SLC37A3: variants seen among roughly 807,000 people sequenced by gnomAD.
SLC37A3 encodes the protein solute carrier family 37 member 3, also known as sugar phosphate exchanger 3.
In SLC37A3, 51 loss-of-function variants were observed where a neutral mutation model predicts 67.1. The observed-to-expected ratio is 0.76, with a 90% CI of 0.61 to 0.96. The LOEUF (loss-of-function observed/expected upper bound fraction) is 0.96, where lower values mean the gene tolerates loss of function less well. Ranked by LOEUF, SLC37A3 falls within the 40% of genes least tolerant of loss-of-function variation. The probability of loss-of-function intolerance (pLI) is 0.00; values close to 1 mark genes in which losing one functional copy is unlikely to be tolerated. For synonymous variants in SLC37A3, 214 were observed against 231.4 expected, an observed-to-expected ratio of 0.92 and a Z score of 0.68; for missense variants, 508 against 603.0, an observed-to-expected ratio of 0.84 and a Z score of 1.65.
chr7:140,373,068 C>T (rs1297639222), intron 3 of SLC37A3, among the ~76,000 whole-genome samples: 1 of 152,152 alleles, frequency 6.6e-6, no homozygotes, highest in Non-Finnish European at 1.5e-5. Context: ...TCTCCTGCCT[C>T]AGCCTCCTGA....
At chr7:140,350,682 T>C (rs1436204765) in intron 9 of SLC37A3, among the ~76,000 whole-genome samples, 1 of 152,078 alleles carries the variant, frequency 6.6e-6, no homozygotes, top group Non-Finnish European at 1.5e-5. Flanking sequence ...GAGAATCGCT[T>C]GAACCCGGGA....
chr7:140,346,895 C>A (rs921196921), intron 10 of SLC37A3, among the ~76,000 whole-genome samples: 1 of 151,656 alleles, frequency 6.6e-6, no homozygotes, highest in Admixed American at 6.6e-5. Flanking sequence ...CTGTATTGTG[C>A]CACTGCACTC....
intron 14 of SLC37A3, among the ~76,000 whole-genome samples, chr7:140,336,573 G>A (rs1364881847): frequency 6.6e-6 from 1 of 152,226 alleles, no homozygotes; most frequent in African/African-American, 2.4e-5. Flanking sequence ...ACATGACAGT[G>A]TTGATTACAG....
chr7:140,336,611 G>C (rs553285241), intron 14 of SLC37A3, among the ~76,000 whole-genome samples: 1 of 152,116 alleles, frequency 6.6e-6, no homozygotes, highest in Admixed American at 6.5e-5. Context: ...CTCAAGTGTT[G>C]CTTGGTATAC....
chr7:140,369,413 T>C (rs1330924750), intron 4 of SLC37A3, among the ~76,000 whole-genome samples, 177 bp downstream of exon 4: 2 of 152,206 alleles, frequency 1.3e-5, no homozygotes, highest in Non-Finnish European at 2.9e-5. Context: ...AGATGAGCAA[T>C]AAATATCTGT....
intron 1 of SLC37A3, among the ~76,000 whole-genome samples, chr7:140,396,882 G>GTTTTT (rs199685905): frequency 9.9e-6 from 1 of 100,864 alleles, no homozygotes. Flanking sequence ...CTCAATTTCT[G>GTTTTT]TTTTTTTTTT....
At chr7:140,365,609 A>C (rs944053324) in intron 4 of SLC37A3, among the ~76,000 whole-genome samples, 8 of 152,060 alleles carry the variant, frequency 5.3e-5, no homozygotes, top group Non-Finnish European at 8.8e-5. Flanking sequence ...TAATCCCAGA[A>C]ACTTGGGAGG....
chr7:140,393,251 C>T (rs1467110363), intron 1 of SLC37A3, among the ~76,000 whole-genome samples: 1 of 152,226 alleles, frequency 6.6e-6, no homozygotes, highest in African/African-American at 2.4e-5. Context: ...TGCAAGCACA[C>T]AGCACACACT....
At chr7:140,362,847 A>G (rs1261947723) in intron 5 of SLC37A3, among the ~76,000 whole-genome samples, 1 of 58,390 alleles carries the variant, frequency 1.7e-5, no homozygotes, top group Non-Finnish European at 3.5e-5. Flanking sequence ...GGCCGCCCCT[A>G]CTGGGAAGCG....
chr7:140,391,532 G>T (rs1798725631), intron 1 of SLC37A3, among the ~76,000 whole-genome samples: 2 of 152,264 alleles, frequency 1.3e-5, no homozygotes, highest in South Asian at 4.1e-4. Flanking sequence ...CTCCGGTCTG[G>T]GCGACAGAGT....
At chr7:140,360,022 G>A (rs541996748) in intron 5 of SLC37A3, among the ~76,000 whole-genome samples, 2 of 152,248 alleles carry the variant, frequency 1.3e-5, no homozygotes, top group East Asian at 3.9e-4. Context: ...GGGAAAAAAG[G>A]TTTTACTTAC....
At chr7:140,344,095 G>C in intron 12 of SLC37A3, 1 of 162,402 alleles carries the variant, frequency 6.2e-6, no homozygotes, top group Non-Finnish European at 1.3e-5. Context: ...AGTAGAATGA[G>C]CAGCTCACTC....
intron 5 of SLC37A3, among the ~76,000 whole-genome samples, chr7:140,363,733 T>C (rs1181728550): frequency 6.5e-5 from 5 of 77,266 alleles, no homozygotes; most frequent in South Asian, 3.8e-4. Flanking sequence ...AGAGCAAAAC[T>C]CCGCCTCAAA....
At chr7:140,339,520 CA>C (rs1445723168) in intron 13 of SLC37A3, among the ~76,000 whole-genome samples, 4 of 152,238 alleles carry the variant, frequency 2.6e-5, no homozygotes, top group Admixed American at 1.3e-4. Context: ...CTCGGTCTCC[CA>C]AAGTGCTGGG....
In SLC37A3 at chr7:140,343,552, C is replaced by G; in HGVS notation, c.1186G>C (p.Gly396Arg). ...LLMTVTGFFI[G>R]GPSNMISSAI... ...GAACTAATCATATTAGAAGGTCCACCAATAAAAAATCCTGAAGTCATAAAC... is the reference window on the plus strand; with the variant it reads ...GAACTAATCATATTAGAAGGTCCACGAATAAAAAATCCTGAAGTCATAAAC... The change falls in exon 13 of 15, where the codon GGT becomes CGT. Residue 396 changes from glycine to arginine, a missense_variant. Coordinates refer to ENST00000326232, the MANE Select transcript of SLC37A3 (RefSeq NM_207113.3). 1 of 1,614,002 alleles carries G rather than the reference C, an allele frequency of 6.2e-7. No homozygotes were observed. The highest frequency in any genetic ancestry group is 8.5e-7 in the Non-Finnish European group (1 of 1,179,966).
chr7:140,361,856 A>G (rs1169073859), intron 5 of SLC37A3, among the ~76,000 whole-genome samples: 4 of 142,606 alleles, frequency 2.8e-5, no homozygotes, highest in South Asian at 2.5e-4. Flanking sequence ...TCAGTGCTCA[A>G]TGGTGCCCAG....
intron 6 of SLC37A3, among the ~76,000 whole-genome samples, chr7:140,356,195 C>CAAAA (rs60174653): frequency 0.017 from 2,349 of 134,934 alleles, 71 homozygotes; most frequent in African/African-American, 0.063. Flanking sequence ...CTCCACCTCC[C>CAAAA]AAAAAAAAAA....
chr7:140,344,305 G>A (rs1328502436), intron 12 of SLC37A3, among the ~76,000 whole-genome samples: 1 of 151,074 alleles, frequency 6.6e-6, no homozygotes, highest in Non-Finnish European at 1.5e-5. Context: ...GCAGGCGCCT[G>A]TAATCCCAAC....
intron 2 of SLC37A3, 118 bp from the exon 3 acceptor site, chr7:140,380,508 C>T (rs940039089): frequency 9.3e-6 from 6 of 642,824 alleles, no homozygotes; most frequent in Non-Finnish European, 1.6e-5. Flanking sequence ...TGGTGGGCAG[C>T]CACCTGAACC....
Sources: gnomAD v4.1 joint callset for allele counts (sites outside exome capture counted in the v4.1 genomes callset) on GRCh38, gnomAD v4.1.1 for gene constraint, MANE v1.5 for transcripts, NCBI Gene and HGNC (gene_info 2026-07-23, HGNC 2026-07-21) for gene names.